Variants in TTN observed in about 807,000 individuals in gnomAD.
TTN encodes connectin.
A neutral mutation model predicts 3,223.0 loss-of-function variants in TTN; 1,525 were observed. That is an observed-to-expected ratio of 0.47 (90% CI 0.45 to 0.49). The LOEUF is 0.49. TTN is among the 20% of genes least tolerant of loss of function. The probability of loss-of-function intolerance (pLI) is 0.00; values close to 1 mark genes in which losing one functional copy is unlikely to be tolerated. For missense variants in TTN, 40,786 were observed against 43,424.0 expected, an observed-to-expected ratio of 0.94 and a Z score of 5.40; for synonymous variants, 14,094 against 15,161.0, an observed-to-expected ratio of 0.93 and a Z score of 5.17.
chr2:178,650,638 A>G (rs751882282), intron 209 of TTN, 113 bp downstream of exon 209: 151 of 1,076,488 alleles, frequency 1.4e-4, no homozygotes, highest in Non-Finnish European at 1.9e-4. Flanking sequence ...AAGACAAATA[A>G]TTAAAGGTTA....
In TTN at chr2:178,558,362, C is replaced by A; in HGVS notation, c.87097G>T (p.Val29033Phe). The part of the protein sequence containing the change: ...LSDPRELLLP[V>F]LIKEQLEPPE... ...ATACCTAGTTGCTCCTTAATAAGAA[C>A]AGGAAGCAGAAGCTCTCTCGGGTCA... Residue 29033 changes from valine to phenylalanine, a missense_variant, in exon 327 of 363, where the codon GTT becomes TTT. Val to Phe is a conservative substitution (Grantham distance 50). Transcript: ENST00000589042. 6.2e-7 allele frequency: 1 copy of A among 1,613,174 alleles called. No homozygotes were observed. Among genetic ancestry groups the A allele is most frequent in the Non-Finnish European group, 8.5e-7 (1 of 1,179,620 alleles).
At chr2:178,556,167 C>A (rs1027807889) in intron 330 of TTN, 5 of 152,452 alleles carry the variant, frequency 3.3e-5, no homozygotes, top group African/African-American at 1.2e-4. Context: ...TGGTGGCTCA[C>A]ACCTGTAATC....
At position 178,621,135 on chromosome 2, in the gene TTN, C is replaced by T. The variant is rs536167152; in HGVS notation, c.45583G>A (p.Ala15195Thr). ...DMGTYVVMVG[A>T]ARAAAHLTVI... ...GTCAAGTGAGCTGCTGCTCTGGCGG[C>T]CCCTACCATGACAACGTAAGTGCCC... is the stretch of plus-strand genomic sequence containing the variant. The change falls in exon 246 of 363, where the codon GCC becomes ACC. Residue 15195 changes from alanine (A) to threonine (T), a missense_variant. By Grantham distance (58) the Ala-to-Thr change is moderately conservative. Coordinates refer to ENST00000589042, the MANE Select transcript of TTN (RefSeq NM_001267550.2). 6.2e-7 allele frequency: 1 copy of T among 1,612,556 alleles called. No individual in the cohort carries two copies. Among genetic ancestry groups the T allele is most frequent in the Non-Finnish European group, 8.5e-7 (1 of 1,179,246 alleles).
At chr2:178,601,979 G>A (rs1174590975) in intron 284 of TTN, 23 bp downstream of exon 284, 2 of 1,612,642 alleles carry the variant, frequency 1.2e-6, no homozygotes, top group Non-Finnish European at 1.7e-6. Context: ...GTGGAAAAAA[G>A]AGGAGAATGG....
intron 47 of TTN, chr2:178,747,485 C>G (rs772413700): frequency 1.2e-6 from 2 of 1,613,384 alleles, no homozygotes; most frequent in Non-Finnish European, 1.7e-6. Flanking sequence ...ACTTCCCACA[C>G]CAATGGAAAT....
chr2:178,688,386 G>A (rs1207555540), intron 126 of TTN, among the ~76,000 whole-genome samples, 162 bp from the exon 127 acceptor site: 2 of 152,152 alleles, frequency 1.3e-5, no homozygotes, highest in African/African-American at 4.8e-5. Flanking sequence ...TAAGATGAGG[G>A]CAAGTACAGC....
At chr2:178,761,559 A>G (rs2089207247) in intron 43 of TTN, among the ~76,000 whole-genome samples, 1 of 152,144 alleles carries the variant, frequency 6.6e-6, no homozygotes, top group African/African-American at 2.4e-5. Context: ...ACTGTGTTCA[A>G]TGATCCTACA....
At chr2:178,633,349 G>A in intron 232 of TTN, 23 bp from the exon 233 acceptor site, 1 of 1,612,926 alleles carries the variant, frequency 6.2e-7, no homozygotes, top group Non-Finnish European at 8.5e-7. Context: ...AGTTTTGTTA[G>A]CATGACTGAA....
At position 178,804,669 on chromosome 2, in the gene TTN, G is replaced by T. The variant is rs375766022; in HGVS notation, c.-13-14C>A. On this transcript the variant is annotated splice_polypyrimidine_tract_variant and intron_variant, in intron 1 of 362. Coordinates refer to ENST00000589042, the MANE Select transcript of TTN (RefSeq NM_001267550.2). ...TTTCTAGGCACTCTGAAAAAGAAGA[G>T]AAAATAAATTAGGGTGTCCCAGCTA... 2 of 1,611,814 alleles carry T rather than the reference G, an allele frequency of 1.2e-6. No individual in the cohort carries two copies. Among genetic ancestry groups the T allele is most frequent in the Non-Finnish European group, 1.7e-6 (2 of 1,178,694 alleles).
rs1705804390 is a variant in TTN, at chr2:178,566,265, C to T, written c.79867G>A (p.Glu26623Lys). The change falls in exon 326 of 363, where the codon GAG (glutamate) becomes AAG (lysine). Residue 26623 changes from glutamate (E) to lysine (K), a missense_variant. Transcript: ENST00000589042. ...HIPFKGRPTP[E>K]ITWSREEGEF... ...CCTTCCTCTCGAGACCAAGTGATCT[C>T]AGGCGTTGGACGACCTTTGAATGGA... 4 of 1,613,698 alleles carry T rather than the reference C, an allele frequency of 2.5e-6. No homozygotes were observed. The highest frequency in any genetic ancestry group is 3.4e-6 in the Non-Finnish European group (4 of 1,179,704).
chr2:178,629,209 C>T, intron 240 of TTN, 92 bp downstream of exon 240: 2 of 1,467,894 alleles, frequency 1.4e-6, no homozygotes, highest in Non-Finnish European at 9.1e-7. Context: ...GAGGAAGAGA[C>T]ATTAGAAAGA....
intron 330 of TTN, chr2:178,555,806 C>T (rs1022713074): frequency 3.3e-5 from 5 of 152,212 alleles, no homozygotes; most frequent in African/African-American, 1.2e-4. Context: ...GCTCAATTTT[C>T]TCTTAGCAAA....
At chr2:178,556,592 A>G (rs2154154917) in intron 330 of TTN, 1 of 496,592 alleles carries the variant, frequency 2.0e-6, no homozygotes, top group East Asian at 3.8e-5. Context: ...AACTCATACA[A>G]TCAATCATAA....
chr2:178,749,505 T>G, intron 47 of TTN: 1 of 1,612,898 alleles, frequency 6.2e-7, no homozygotes, highest in Non-Finnish European at 8.5e-7. Flanking sequence ...TCTTTTACAT[T>G]TGTCCAGGGA....
Position 178,557,497 on chromosome 2 carries a change from A to C in TTN, c.87765T>G (p.Thr29255=). 1 of 1,613,932 alleles carries C rather than the reference A, an allele frequency of 6.2e-7. No individual in the cohort carries two copies. Among genetic ancestry groups the C allele is most frequent in the Non-Finnish European group, 8.5e-7 (1 of 1,179,858 alleles). Residue 29255 remains threonine (T), a synonymous_variant, in exon 329 of 363, where the codon ACT becomes ACG. Coordinates refer to ENST00000589042, the MANE Select transcript of TTN (RefSeq NM_001267550.2). ...TTGACACTGGTTCATGCCAGCCCAC[A>C]GTGATGCTTTCTCGAGTAACATTAG... The part of the protein sequence containing the change: ...WVTNVTRESI[T]VGWHEPVSNG...
chr2:178,694,546 T>C, intron 117 of TTN, 53 bp downstream of exon 117: 4 of 1,369,060 alleles, frequency 2.9e-6, no homozygotes, highest in Non-Finnish European at 4.0e-6. Context: ...CACATGTCCA[T>C]ACACATAAAT....
rs2062771503 is a variant in TTN at position 178,650,628 on chromosome 2, A to C, written c.39709+123T>G. On this transcript the variant is annotated intron_variant, in intron 209 of 362. Transcript: ENST00000589042. ...TGGAGCTAATTTAGAATGATGAATTAAGACAAATAATTAAAGGTTAGAAAA... is the reference window on the plus strand; with the variant it reads ...TGGAGCTAATTTAGAATGATGAATTCAGACAAATAATTAAAGGTTAGAAAA... 11 of 1,000,894 alleles carry C rather than the reference A, an allele frequency of 1.1e-5. No homozygotes were observed. The South Asian group carries it at 1.9e-4, about 18-fold the overall frequency. 62.0% of individuals were successfully genotyped at this position (1,000,894 alleles called of 1,614,324 possible).
chr2:178,550,001 T>C lies in TTN; in HGVS notation c.91837A>G (p.Lys30613Glu). The C allele has an allele frequency of 6.2e-7, 1 of 1,608,242 alleles. No individual in the cohort carries two copies. Among genetic ancestry groups the C allele is most frequent in the Non-Finnish European group, 8.5e-7 (1 of 1,175,800 alleles). ...TTAAAAGTACCTTGTACTTTCACTT[T>C]AATTTCTGCTTTTGCAGAACCAGAT... ...NASGSAKAEI[K>E]VKVQDTPGKV... Residue 30613 changes from lysine (K) to glutamate (E), a missense_variant, in exon 337 of 363, where the codon AAA becomes GAA. Transcript: ENST00000589042.
intron 219 of TTN, among the ~76,000 whole-genome samples, chr2:178,641,707 TA>T (rs1271896839): frequency 2.0e-5 from 3 of 152,032 alleles, no homozygotes; most frequent in Admixed American, 2.0e-4. Flanking sequence ...AAATGTAGCC[TA>T]AAAATCAGTA....
Sources: gnomAD v4.1 joint callset for allele counts (sites outside exome capture counted in the v4.1 genomes callset) on GRCh38, gnomAD v4.1.1 for gene constraint, MANE v1.5 for transcripts, NCBI Gene and HGNC (gene_info 2026-07-23, HGNC 2026-07-21) for gene names.